NXPH2: variants seen among roughly 807,000 people sequenced by gnomAD.
The protein encoded by NXPH2 is neurexophilin 2, also known as neurexophilin-2.
A neutral mutation model predicts 19.8 loss-of-function variants in NXPH2; 5 were observed. The observed-to-expected ratio is 0.25, with a 90% confidence interval of 0.13 to 0.53. The LOEUF is 0.53. Ranked by LOEUF, NXPH2 falls within the 20% of genes least tolerant of loss-of-function variation. The pLI, the probability that NXPH2 is intolerant of heterozygous loss-of-function variation, is 0.96. For synonymous variants in NXPH2, 154 were observed against 127.4 expected, an observed-to-expected ratio of 1.21 and a Z score of -1.41; for missense variants, 289 against 322.8, an observed-to-expected ratio of 0.90 and a Z score of 0.80.
intron 1 of NXPH2, among the ~76,000 whole-genome samples, chr2:138,765,878 C>T (rs1007837457): frequency 2.0e-5 from 3 of 152,188 alleles, no homozygotes; most frequent in Admixed American, 6.5e-5. Context: ...TTGTGATTGC[C>T]AATTTCAATT....
intron 1 of NXPH2, among the ~76,000 whole-genome samples, chr2:138,723,038 T>A (rs1489861369): frequency 1.3e-5 from 2 of 152,216 alleles, no homozygotes; most frequent in East Asian, 3.9e-4. Context: ...TTATTTTATA[T>A]CTATTGCCAG....
intron 1 of NXPH2, among the ~76,000 whole-genome samples, chr2:138,746,555 C>T (rs1265003498): frequency 3.9e-5 from 6 of 152,198 alleles, no homozygotes; most frequent in African/African-American, 1.4e-4. Context: ...TCTTGGTAGG[C>T]CCAGCTTCCC....
intron 1 of NXPH2, among the ~76,000 whole-genome samples, chr2:138,701,456 G>C (rs1008784949): frequency 1.3e-5 from 2 of 152,160 alleles, no homozygotes; most frequent in African/African-American, 4.8e-5. Context: ...ACACCCTGGG[G>C]AAGAGCAGCC....
rs866044402 is a variant in NXPH2 at position 138,770,798 on chromosome 2, T to C, written c.51+9393A>G. ...TGCGTGAGCAATATTAAAAAGAAACTATAAAATTTAAAGGCTGTAAAAAAC... is the reference window on the plus strand; with the variant it reads ...TGCGTGAGCAATATTAAAAAGAAACCATAAAATTTAAAGGCTGTAAAAAAC... On this transcript the variant is annotated intron_variant, in intron 1 of 1. Coordinates refer to ENST00000272641, the MANE Select transcript of NXPH2 (RefSeq NM_007226.3). Among the ~76,000 whole-genome samples, 8 of 152,054 alleles carry C rather than the reference T, an allele frequency of 5.3e-5. No individual in the cohort carries two copies. In the Middle Eastern group the frequency reaches 0.01, roughly 199 times the overall value.
At chr2:138,740,576 C>T (rs533870602) in intron 1 of NXPH2, among the ~76,000 whole-genome samples, 3 of 152,206 alleles carry the variant, frequency 2.0e-5, no homozygotes, top group Admixed American at 1.3e-4. Context: ...CATATCGTTA[C>T]GTAACTCTTT....
intron 1 of NXPH2, among the ~76,000 whole-genome samples, chr2:138,694,188 T>G (rs536868199): frequency 2.8e-4 from 42 of 152,346 alleles, no homozygotes; most frequent in African/African-American, 9.4e-4. Flanking sequence ...CTCTAATGCT[T>G]CCTCAGTGGA....
chr2:138,682,527 C>A (rs1295409997), intron 1 of NXPH2, among the ~76,000 whole-genome samples: 2 of 152,100 alleles, frequency 1.3e-5, no homozygotes, highest in Non-Finnish European at 2.9e-5. Context: ...CATAATGTGG[C>A]ATTGTTCCAA....
chr2:138,714,175 ACT>A (rs796688761), intron 1 of NXPH2, among the ~76,000 whole-genome samples: 6 of 152,246 alleles, frequency 3.9e-5, no homozygotes, highest in African/African-American at 1.4e-4. Context: ...TTATTTTCTA[ACT>A]CTGCTTCTCT....
In NXPH2 at chr2:138,706,431, T is replaced by G. The variant is rs1681009694; in HGVS notation, c.52-34766A>C. ...CCATTGGATCTTGCTGATGCCCAAGTATCCCGAATGCACACAGCTGGTGGG... is the reference window on the plus strand; with the variant it reads ...CCATTGGATCTTGCTGATGCCCAAGGATCCCGAATGCACACAGCTGGTGGG... On this transcript the variant is annotated intron_variant, in intron 1 of 1. Transcript: ENST00000272641. Among the ~76,000 whole-genome samples, 3 of 152,230 alleles carry G rather than the reference T, an allele frequency of 2.0e-5. No individual in the cohort carries two copies. The South Asian group carries it at 6.2e-4, about 32-fold the overall frequency.
intron 1 of NXPH2, among the ~76,000 whole-genome samples, chr2:138,743,355 A>T (rs1190643371): frequency 6.6e-6 from 1 of 152,260 alleles, no homozygotes; most frequent in Non-Finnish European, 1.5e-5. Flanking sequence ...TATTTTTAAA[A>T]TGAAGGACTG....
chr2:138,730,283 C>T (rs1163808471), intron 1 of NXPH2, among the ~76,000 whole-genome samples: 3 of 151,876 alleles, frequency 2.0e-5, no homozygotes, highest in Admixed American at 6.6e-5. Flanking sequence ...CAGCCTTCAA[C>T]TCCTGGCCTC....
chr2:138,721,224 C>T (rs1681274221), intron 1 of NXPH2, among the ~76,000 whole-genome samples: 1 of 152,068 alleles, frequency 6.6e-6, no homozygotes, highest in East Asian at 1.9e-4. Flanking sequence ...ACCTGTAATC[C>T]TAGCTACTTA....
intron 1 of NXPH2, among the ~76,000 whole-genome samples, chr2:138,757,849 CTATCT>C (rs1322796987): frequency 5.6e-5 from 8 of 143,100 alleles, no homozygotes; most frequent in African/African-American, 1.7e-4. Context: ...ATCTATCTAT[CTATCT>C]ATCTATCTAT....
chr2:138,754,108 A>G (rs1236018700), intron 1 of NXPH2, among the ~76,000 whole-genome samples: 2 of 152,078 alleles, frequency 1.3e-5, no homozygotes, highest in Non-Finnish European at 2.9e-5. Flanking sequence ...ACCTGGGACT[A>G]CAGTTTCAAA....
intron 1 of NXPH2, among the ~76,000 whole-genome samples, chr2:138,776,905 G>T (rs1211093933): frequency 6.6e-6 from 1 of 151,856 alleles, no homozygotes; most frequent in South Asian, 2.1e-4. Context: ...TCATCACAAG[G>T]ATCTGATTTT....
chr2:138,722,025 C>T (rs1034462886), intron 1 of NXPH2, among the ~76,000 whole-genome samples: 1 of 152,200 alleles, frequency 6.6e-6, no homozygotes, highest in African/African-American at 2.4e-5. Flanking sequence ...GAGTTGAATG[C>T]TAGCTGCTCC....
At position 138,671,511 on chromosome 2, in the gene NXPH2, C is replaced by T; in HGVS notation, c.206G>A (p.Gly69Asp). ...FVKQSPVPKP[G>D]PMAYADSMEN... ...CATGCTGTCTGCGTACGCCATGGGG[C>T]CGGGCTTGGGCACCGGAGACTGTTT... is the stretch of plus-strand genomic sequence containing the variant. The change falls in exon 2 of 2, where the codon GGC (glycine) becomes GAC (aspartate). Residue 69 changes from glycine to aspartate, a missense_variant. By Grantham distance (94) the Gly-to-Asp change is moderately conservative (BLOSUM62 -1). Transcript: ENST00000272641. 1 of 1,613,956 alleles carries T rather than the reference C, an allele frequency of 6.2e-7. No individual in the cohort carries two copies. The highest frequency in any genetic ancestry group is 8.5e-7 in the Non-Finnish European group (1 of 1,179,866).
At chr2:138,768,616 A>G (rs929628893) in intron 1 of NXPH2, among the ~76,000 whole-genome samples, 1 of 152,182 alleles carries the variant, frequency 6.6e-6, no homozygotes, top group East Asian at 1.9e-4. Context: ...CAAACCCTGG[A>G]TTCTGTTCTA....
At chr2:138,745,247 A>C (rs1253766264) in intron 1 of NXPH2, among the ~76,000 whole-genome samples, 1 of 152,192 alleles carries the variant, frequency 6.6e-6, no homozygotes, top group Non-Finnish European at 1.5e-5. Context: ...AACAGGATCA[A>C]TAGGTTGTAG....
Sources: allele counts gnomAD v4.1 joint callset (sites outside exome capture counted in the v4.1 genomes callset), GRCh38; gene constraint gnomAD v4.1.1; transcripts MANE v1.5; gene names NCBI Gene and HGNC (gene_info 2026-07-23, HGNC 2026-07-21).